Variants in TNR observed in about 807,000 individuals in gnomAD.
TNR encodes the protein tenascin R.
A neutral mutation model predicts 150.4 loss-of-function variants in TNR; 45 were observed. The ratio of observed to expected loss-of-function variants is 0.30; its 90% confidence interval spans 0.24 to 0.38. The LOEUF (loss-of-function observed/expected upper bound fraction) is 0.38, where lower values mean the gene tolerates loss of function less well. Among genes scored for constraint, TNR ranks in the 10% least tolerant of loss-of-function variants. The pLI is 1.00. For missense variants in TNR, 1,544 were observed against 1,759.1 expected, an observed-to-expected ratio of 0.88 and a Z score of 2.19; for synonymous variants, 687 against 678.4, an observed-to-expected ratio of 1.01 and a Z score of -0.20.
chr1:175,493,347 T>C (rs1305364781), intron 2 of TNR, among the ~76,000 whole-genome samples: 3 of 152,138 alleles, frequency 2.0e-5, no homozygotes, highest in Non-Finnish European at 2.9e-5. Context: ...TTAGAAGAAA[T>C]GCTCATCTTT....
chr1:175,610,218 A>C (rs1323127), intron 1 of TNR, among the ~76,000 whole-genome samples: 49,158 of 152,102 alleles, frequency 0.32, 11,280 homozygotes, highest in African/African-American at 0.65. Flanking sequence ...TACCTAAGAC[A>C]CATGATCCTG....
intron 1 of TNR, among the ~76,000 whole-genome samples, chr1:175,572,055 C>T (rs1661895309): frequency 6.6e-6 from 1 of 152,094 alleles, no homozygotes; most frequent in South Asian, 2.1e-4. Flanking sequence ...GCACCCTCAC[C>T]CTCAGCAGTC....
chr1:175,578,461 G>A (rs1662209968), intron 1 of TNR, among the ~76,000 whole-genome samples: 1 of 152,160 alleles, frequency 6.6e-6, no homozygotes, highest in Non-Finnish European at 1.5e-5. Flanking sequence ...AAGCAGAACA[G>A]GCAGAAAATA....
chr1:175,495,362 A>G (rs1435954933), intron 2 of TNR, among the ~76,000 whole-genome samples: 1 of 152,234 alleles, frequency 6.6e-6, no homozygotes, highest in Non-Finnish European at 1.5e-5. Flanking sequence ...TAGTGGCTAC[A>G]CAGTGCCTGC....
chr1:175,628,580 T>C (rs1664228650), intron 1 of TNR, among the ~76,000 whole-genome samples: 1 of 151,716 alleles, frequency 6.6e-6, no homozygotes, highest in South Asian at 2.1e-4. Flanking sequence ...TTTTAGCTCA[T>C]ATGAGCTCAT....
chr1:175,407,311 A>T (rs770198773), intron 2 of TNR, among the ~76,000 whole-genome samples: 4 of 152,238 alleles, frequency 2.6e-5, no homozygotes, highest in Non-Finnish European at 4.4e-5. Flanking sequence ...AGTTCCAGGT[A>T]ATTGTGATTG....
intron 2 of TNR, among the ~76,000 whole-genome samples, chr1:175,485,511 G>T (rs534244534): frequency 2.0e-5 from 3 of 152,246 alleles, no homozygotes; most frequent in African/African-American, 7.2e-5. Context: ...TCCAATTTCA[G>T]GGTCCTCAAA....
intron 1 of TNR, among the ~76,000 whole-genome samples, chr1:175,580,021 T>C (rs1312289951): frequency 1.3e-5 from 2 of 152,070 alleles, no homozygotes; most frequent in South Asian, 2.1e-4. Flanking sequence ...GCCCCCACCA[T>C]CAAGGCATTC....
At chr1:175,656,545 A>G (rs1433349817) in intron 1 of TNR, 5 of 152,318 alleles carry the variant, frequency 3.3e-5, no homozygotes, top group Non-Finnish European at 7.3e-5. Context: ...GCAAGAATAT[A>G]CTGGATGAGC....
At position 175,662,124 on chromosome 1, in the gene TNR, T is replaced by G. The variant is rs563133623; in HGVS notation, c.-165+81102A>C. ...CAGAAACCACAGGTGAGCAAGGAGG[T>G]GGGGTGGATTCAGGCTTGCGAATAG... On this transcript the variant is annotated intron_variant, in intron 1 of 22. Transcript: ENST00000367674. Among the ~76,000 whole-genome samples, 188 of 151,878 alleles carry G rather than the reference T, an allele frequency of 1.2e-3. 1 individual carries two copies. The highest frequency in any genetic ancestry group is 2.3e-3 in the Non-Finnish European group (159 of 67,938).
intron 1 of TNR, among the ~76,000 whole-genome samples, chr1:175,729,682 T>A (rs756961935): frequency 6.6e-6 from 1 of 152,178 alleles, no homozygotes; most frequent in Non-Finnish European, 1.5e-5. Context: ...CTTTAATCTC[T>A]ATATTACCAA....
Position 175,393,884 on chromosome 1 carries a change from G to T in TNR, c.1252C>A (p.Pro418Thr), listed in dbSNP as rs1277536842. The T allele has an allele frequency of 4.3e-6, 7 of 1,613,602 alleles. No individual in the cohort carries two copies. The highest frequency in any genetic ancestry group is 5.1e-6 in the Non-Finnish European group (6 of 1,179,486). Reference protein sequence around the residue: ...TAKVATHLSTPQGLQFKTITE... With the variant: ...TAKVATHLSTTQGLQFKTITE... ...ATCGTCTTAAATTGTAGCCCTTGAG[G>T]AGTGGAGAGATCTGGAACACAGCAA... The change falls in exon 6 of 23, where the codon CCT becomes ACT. Residue 418 changes from proline to threonine, a missense_variant. Transcript: ENST00000367674.
intron 1 of TNR, among the ~76,000 whole-genome samples, chr1:175,631,002 A>G (rs1664307131): frequency 6.6e-6 from 1 of 152,206 alleles, no homozygotes; most frequent in African/African-American, 2.4e-5. Flanking sequence ...CAAAAAATAA[A>G]AAGACTGGTA....
chr1:175,474,568 C>G (rs1657463732), intron 2 of TNR, among the ~76,000 whole-genome samples: 1 of 152,208 alleles, frequency 6.6e-6, no homozygotes, highest in South Asian at 2.1e-4. Flanking sequence ...AGATCTCAAG[C>G]TTGAGATTGG....
At chr1:175,349,075 A>G (rs1444575898) in intron 18 of TNR, among the ~76,000 whole-genome samples, 3 of 152,226 alleles carry the variant, frequency 2.0e-5, no homozygotes, top group Non-Finnish European at 2.9e-5. Context: ...AAAATGACAA[A>G]GCCAGGCCAT....
chr1:175,649,215 C>A (rs1325098244), intron 1 of TNR, among the ~76,000 whole-genome samples: 1 of 152,194 alleles, frequency 6.6e-6, no homozygotes, highest in Non-Finnish European at 1.5e-5. Context: ...CCCAGCAAAT[C>A]TGTCTCAGGG....
intron 11 of TNR, 73 bp from the exon 12 acceptor site, chr1:175,365,352 G>A: frequency 1.3e-6 from 2 of 1,494,708 alleles, no homozygotes. Context: ...GAACTTCTTG[G>A]CTAAAGGGAC....
At chr1:175,741,871 C>T (rs1667939869) in intron 1 of TNR, among the ~76,000 whole-genome samples, 1 of 152,000 alleles carries the variant, frequency 6.6e-6, no homozygotes, top group South Asian at 2.1e-4. Context: ...GTGAAACCAC[C>T]CCACCTTGCC....
chr1:175,464,857 A>G (rs1461169913), intron 2 of TNR, among the ~76,000 whole-genome samples: 1 of 152,100 alleles, frequency 6.6e-6, no homozygotes, highest in Non-Finnish European at 1.5e-5. Context: ...GGACACTGAA[A>G]ATGCAGGGCT....
Sources: allele counts gnomAD v4.1 joint callset (sites outside exome capture counted in the v4.1 genomes callset), GRCh38; gene constraint gnomAD v4.1.1; transcripts MANE v1.5; gene names NCBI Gene and HGNC (gene_info 2026-07-23, HGNC 2026-07-21).